Variants in WDR59 observed in about 807,000 individuals in gnomAD.
The protein encoded by WDR59 is WD repeat domain 59, also known as GATOR2 complex protein WDR59.
WDR59 carries 100 observed loss-of-function variants against 131.2 expected under a neutral mutation model. The observed-to-expected ratio is 0.76, with a 90% CI of 0.65 to 0.90. The LOEUF is 0.90. WDR59 is among the 40% of genes least tolerant of loss of function. The pLI is 0.00. For missense variants in WDR59, 1,203 were observed against 1,262.2 expected (o/e 0.95, Z 0.71); for synonymous variants, 601 against 466.2 (o/e 1.29, Z -3.72).
Position 74,984,731 on chromosome 16 carries a change from C to A in WDR59, c.54+233G>T, listed in dbSNP as rs1335888334. On this transcript the variant is annotated intron_variant, in intron 1 of 25. Coordinates refer to ENST00000262144, the MANE Select transcript of WDR59 (RefSeq NM_030581.4). ...TGCCTCAGTGTCACAAGGCGGACCC[C>A]ACTCCCCTACCCGCGTAGGGAGCCC... 6 of 585,454 alleles carry A rather than the reference C, an allele frequency of 1.0e-5. No homozygotes were observed. In the East Asian group the frequency reaches 1.4e-4, roughly 14 times the overall value. 36.3% of individuals were successfully genotyped at this position (585,454 alleles called of 1,614,324 possible).
chr16:74,983,941 C>T (rs907963878), intron 1 of WDR59, among the ~76,000 whole-genome samples: 2 of 151,810 alleles, frequency 1.3e-5, no homozygotes, highest in African/African-American at 2.4e-5. Context: ...ATTCACGCCT[C>T]TGCACTCAAG....
chr16:74,968,614 A>G (rs8049313), intron 1 of WDR59, among the ~76,000 whole-genome samples: 149,746 of 152,188 alleles, frequency 0.98, 73,718 homozygotes, highest in East Asian at 1. Context: ...CCAGCTGCTC[A>G]GGAGGCTGAG....
chr16:74,885,448 CAAAAAAAAAAAAAAAAAA>C (rs397855343), intron 25 of WDR59, among the ~76,000 whole-genome samples, 187 bp downstream of exon 25: 1 of 62,372 alleles, frequency 1.6e-5, no homozygotes. Context: ...GATTCCATCT[CAAAAAAAAAAAAAAAAAA>C]AAAAAAAAAT....
intron 25 of WDR59, among the ~76,000 whole-genome samples, chr16:74,880,864 T>C (rs1048730882): frequency 6.6e-6 from 1 of 152,218 alleles, no homozygotes; most frequent in Non-Finnish European, 1.5e-5. Context: ...TTGTTAACCA[T>C]ACAACAAAAA....
chr16:74,977,263 T>G (rs1321845642), intron 1 of WDR59, among the ~76,000 whole-genome samples: 1 of 151,224 alleles, frequency 6.6e-6, no homozygotes, highest in Non-Finnish European at 1.5e-5. Flanking sequence ...TAATTTAAAT[T>G]AAAAAAAAAT....
Position 74,941,572 on chromosome 16 carries a change from T to C in WDR59, c.534+1166A>G, listed in dbSNP as rs185538690. 3.9e-3 allele frequency among the ~76,000 whole-genome samples: 600 copies of C among 151,976 alleles called. 2 individuals are homozygous for C. Among genetic ancestry groups the C allele is most frequent in the African/African-American group, 6.7e-3 (277 of 41,448 alleles). ...AGCTGGGCGTGGTGGTGTGCACCTA[T>C]AGTCCCAGCTACTGGGGAGGCTGAG... On this transcript the variant is annotated intron_variant, in intron 7 of 25. Coordinates refer to ENST00000262144, the MANE Select transcript of WDR59 (RefSeq NM_030581.4).
At chr16:74,982,588 A>G (rs1006381403) in intron 1 of WDR59, among the ~76,000 whole-genome samples, 1 of 152,194 alleles carries the variant, frequency 6.6e-6, no homozygotes, top group African/African-American at 2.4e-5. Context: ...GTAGCTTCCA[A>G]ATTAGCAGGC....
chr16:74,910,253 C>G (rs1192372623), intron 14 of WDR59, among the ~76,000 whole-genome samples: 1 of 152,192 alleles, frequency 6.6e-6, no homozygotes, highest in African/African-American at 2.4e-5. Context: ...CAGACATGAG[C>G]CACTGCGCCC....
intron 6 of WDR59, 115 bp from the exon 7 acceptor site, chr16:74,942,941 C>T (rs1470870573): frequency 3.4e-6 from 3 of 883,016 alleles, no homozygotes. Context: ...CAGAACCCTT[C>T]AAGTTTCTGT....
At chr16:74,874,478 C>T (rs760909202) in intron 25 of WDR59, 34 bp from the exon 26 acceptor site, 14 of 1,599,262 alleles carry the variant, frequency 8.8e-6, no homozygotes, top group Non-Finnish European at 1.1e-5. Flanking sequence ...AAACAAGAGG[C>T]AGCATGAGTT....
In WDR59 at chr16:74,886,292, C is replaced by T. The variant is rs756331069; in HGVS notation, c.2524G>A (p.Asp842Asn). ...TYSDPRERERDQHDKNKRLLD... is the reference protein window; with the variant it reads ...TYSDPRERERNQHDKNKRLLD... Reference sequence around the variant, plus strand: ...TACCTTTTATTTTTATCATGCTGGTCGCGTTCTCGCTCACGGGGATCACTG... The same window carrying T: ...TACCTTTTATTTTTATCATGCTGGTTGCGTTCTCGCTCACGGGGATCACTG... Residue 842 changes from aspartate to asparagine, a missense_variant, in exon 24 of 26, where the codon GAC (aspartate) becomes AAC (asparagine). Transcript: ENST00000262144. 141 of 1,611,778 alleles carry T rather than the reference C, an allele frequency of 8.7e-5. No homozygotes were observed. Among genetic ancestry groups the T allele is most frequent in the Non-Finnish European group, 9.8e-5 (115 of 1,178,782 alleles).
chr16:74,936,337 AG>A (rs1237343642), intron 8 of WDR59, among the ~76,000 whole-genome samples: 1 of 152,060 alleles, frequency 6.6e-6, no homozygotes, highest in Non-Finnish European at 1.5e-5. Flanking sequence ...CTATATATAA[AG>A]AAAAAATATA....
intron 2 of WDR59, among the ~76,000 whole-genome samples, chr16:74,961,525 A>C (rs2033567003): frequency 6.6e-6 from 1 of 152,010 alleles, no homozygotes; most frequent in South Asian, 2.1e-4. Flanking sequence ...TGTGGTTTTG[A>C]TTTGCATTTC....
chr16:74,887,531 G>A, intron 23 of WDR59, 152 bp downstream of exon 23: 1 of 708,482 alleles, frequency 1.4e-6, no homozygotes, highest in East Asian at 2.8e-5. Context: ...TGCAAAGTCA[G>A]GCCTCCAGCA....
At chr16:74,923,135 T>C (rs2030416941) in intron 9 of WDR59, among the ~76,000 whole-genome samples, 1 of 152,220 alleles carries the variant, frequency 6.6e-6, no homozygotes, top group Admixed American at 6.5e-5. Flanking sequence ...TATACTTTGG[T>C]GGATTTTATC....
intron 18 of WDR59, among the ~76,000 whole-genome samples, chr16:74,898,009 G>C (rs939797811): frequency 7.9e-5 from 12 of 152,156 alleles, no homozygotes; most frequent in Non-Finnish European, 1.3e-4. Flanking sequence ...TAGCTAATGA[G>C]TAGATGGACA....
intron 20 of WDR59, among the ~76,000 whole-genome samples, chr16:74,890,403 A>G (rs958255730): frequency 1.3e-5 from 2 of 152,166 alleles, no homozygotes; most frequent in African/African-American, 4.8e-5. Context: ...CACCTGCCTC[A>G]GCCCCAAAAA....
intron 13 of WDR59, among the ~76,000 whole-genome samples, chr16:74,913,493 G>A (rs1181931893): frequency 4.6e-5 from 7 of 152,084 alleles, no homozygotes; most frequent in Admixed American, 4.6e-4. Context: ...GTTTCGCCAT[G>A]TTGGCCAGGC....
In WDR59 at chr16:74,888,158, G is replaced by C; in HGVS notation, c.2346+11C>G. The C allele has an allele frequency of 6.4e-7, 1 of 1,563,424 alleles. No homozygotes were observed. Among genetic ancestry groups the C allele is most frequent in the Non-Finnish European group, 8.6e-7 (1 of 1,161,570 alleles). On this transcript the variant is annotated intron_variant, in intron 22 of 25. Coordinates refer to ENST00000262144, the MANE Select transcript of WDR59 (RefSeq NM_030581.4). ...AAAAAATCAGACAAAACCAGAAAAGGACAAACTTACATATCGACTATGGGA... is the reference window on the plus strand; with the variant it reads ...AAAAAATCAGACAAAACCAGAAAAGCACAAACTTACATATCGACTATGGGA...
Sources: allele counts gnomAD v4.1 joint callset (sites outside exome capture counted in the v4.1 genomes callset), GRCh38; gene constraint gnomAD v4.1.1; transcripts MANE v1.5; gene names NCBI Gene and HGNC (gene_info 2026-07-23, HGNC 2026-07-21).